Variants in SLC22A24 observed in about 807,000 individuals in gnomAD.
SLC22A24 encodes the protein solute carrier family 22 member 24, also known as steroid transmembrane transporter SLC22A24.
SLC22A24 carries 53 observed loss-of-function variants against 49.8 expected under a neutral mutation model. The ratio of observed to expected loss-of-function variants is 1.06; its 90% confidence interval spans 0.85 to 1.34. SLC22A24 has a LOEUF of 1.34. Among genes scored for constraint, SLC22A24 ranks in the 40% most tolerant of loss-of-function variants. The pLI is 0.00. For missense variants in SLC22A24, 786 were observed against 675.9 expected (o/e 1.16, Z -1.81); for synonymous variants, 302 against 256.4 (o/e 1.18, Z -1.70).
chr11:63,140,088 G>T (rs9665839), intron 1 of SLC22A24, among the ~76,000 whole-genome samples: 2,256 of 134,436 alleles, frequency 0.017, 27 homozygotes, highest in Admixed American at 0.023. Context: ...TTTTTTTTTT[G>T]TTTTTTTTTT....
At position 63,125,002 on chromosome 11, in the gene SLC22A24, T is replaced by G. The variant is rs560375985; in HGVS notation, c.507-5667A>C. 6.6e-3 allele frequency among the ~76,000 whole-genome samples: 1,000 copies of G among 151,940 alleles called. 9 individuals are homozygous for G. Among genetic ancestry groups the G allele is most frequent in the African/African-American group, 0.023 (937 of 41,410 alleles). ...TAGCATTAGGAGATATACCTAATGCTAAATGACGAGTTAATGGGTGCAGCA... is the reference window on the plus strand; with the variant it reads ...TAGCATTAGGAGATATACCTAATGCGAAATGACGAGTTAATGGGTGCAGCA... On this transcript the variant is annotated intron_variant, in intron 2 of 9. Transcript: ENST00000612278.
intron 6 of SLC22A24, among the ~76,000 whole-genome samples, chr11:63,089,819 C>T (rs1483196297): frequency 2.6e-5 from 4 of 152,056 alleles, no homozygotes; most frequent in Admixed American, 6.6e-5. Context: ...CGGTGGCTCA[C>T]GTCTGTAATC....
intron 6 of SLC22A24, among the ~76,000 whole-genome samples, chr11:63,087,075 G>GAT: frequency 6.6e-6 from 1 of 151,044 alleles, no homozygotes; most frequent in East Asian, 1.9e-4. Context: ...GAGAGAGAGA[G>GAT]AGAGAGAGAA....
chr11:63,099,093 A>G (rs1333642942), intron 5 of SLC22A24, among the ~76,000 whole-genome samples: 1 of 152,204 alleles, frequency 6.6e-6, no homozygotes, highest in Non-Finnish European at 1.5e-5. Flanking sequence ...CAGACCAATA[A>G]GAAGTAATGA....
chr11:63,140,010 A>C (rs1047062181), intron 1 of SLC22A24, among the ~76,000 whole-genome samples: 1 of 151,920 alleles, frequency 6.6e-6, no homozygotes. Context: ...TAGAAACTTT[A>C]ATGACTTTTT....
At chr11:63,091,409 G>A (rs2087019811) in intron 6 of SLC22A24, among the ~76,000 whole-genome samples, 2 of 152,248 alleles carry the variant, frequency 1.3e-5, no homozygotes, top group South Asian at 4.2e-4. Flanking sequence ...ATTTTATGAG[G>A]CCAGCATCTT....
At chr11:63,096,480 A>G (rs1454682097) in intron 5 of SLC22A24, among the ~76,000 whole-genome samples, 1 of 152,156 alleles carries the variant, frequency 6.6e-6, no homozygotes, top group Non-Finnish European at 1.5e-5. Context: ...TTATGAGAGA[A>G]GGTGTTTATT....
intron 1 of SLC22A24, among the ~76,000 whole-genome samples, chr11:63,142,218 A>G (rs1001980908): frequency 2.0e-5 from 3 of 152,266 alleles, no homozygotes; most frequent in African/African-American, 7.2e-5. Flanking sequence ...CACTCTTCTC[A>G]CCTTGGGGTT....
At chr11:63,080,793 T>C (rs927661754) in intron 9 of SLC22A24, 127 bp downstream of exon 9, 1 of 757,684 alleles carries the variant, frequency 1.3e-6, no homozygotes, top group African/African-American at 1.8e-5. Context: ...TGGTGACAAA[T>C]AGAAAAGTCC....
rs2087052763 is a variant in SLC22A24 at position 63,096,058 on chromosome 11, T to C, written c.1003A>G (p.Thr335Ala). 1 of 1,550,820 alleles carries C rather than the reference T, an allele frequency of 6.4e-7. No homozygotes were observed. Among genetic ancestry groups the C allele is most frequent in the Non-Finnish European group, 8.7e-7 (1 of 1,146,450 alleles). The part of the protein sequence containing the change: ...KKELDAVRIK[T>A]SIFSLFRAPK... ...GCACGGAACAGGGAAAAAATGGATGTTTTAATTCGGACTGCATCCAACTCC... is the reference window on the plus strand; with the variant it reads ...GCACGGAACAGGGAAAAAATGGATGCTTTAATTCGGACTGCATCCAACTCC... Residue 335 changes from threonine to alanine, a missense_variant, in exon 6 of 10, where the codon ACA (threonine) becomes GCA (alanine). By Grantham distance (58) the Thr-to-Ala change is moderately conservative. Transcript: ENST00000612278.
At chr11:63,120,325 G>GA (rs1183636427) in intron 2 of SLC22A24, among the ~76,000 whole-genome samples, 1 of 102,384 alleles carries the variant, frequency 9.8e-6, no homozygotes, top group Admixed American at 1.2e-4. Context: ...AGGGGGGAGG[G>GA]ATAGCATTGG....
At chr11:63,129,573 G>A (rs887600652) in intron 2 of SLC22A24, among the ~76,000 whole-genome samples, 4 of 152,152 alleles carry the variant, frequency 2.6e-5, no homozygotes, top group African/African-American at 9.7e-5. Context: ...TGGACAGTAG[G>A]ACCATTTTCA....
chr11:63,115,908 C>A (rs1042812701), intron 4 of SLC22A24: 1 of 297,774 alleles, frequency 3.4e-6, no homozygotes, highest in Non-Finnish European at 6.4e-6. Flanking sequence ...GGCTTGGGCA[C>A]CTTTGGGAGC....
intron 4 of SLC22A24, among the ~76,000 whole-genome samples, chr11:63,105,066 TCAAATATTAAAGCTC>T (rs1339857903): frequency 6.6e-6 from 1 of 152,200 alleles, no homozygotes; most frequent in African/African-American, 2.4e-5. Context: ...AGCAGGGCAG[TCAAATATTAAAGCTC>T]CAAATGATGT....
intron 6 of SLC22A24, among the ~76,000 whole-genome samples, chr11:63,095,175 C>G (rs1490031512): frequency 6.6e-6 from 1 of 152,028 alleles, no homozygotes; most frequent in Non-Finnish European, 1.5e-5. Flanking sequence ...GTAAGGGATC[C>G]AGTTTCAGCT....
At chr11:63,133,591 G>T (rs1399118786) in intron 2 of SLC22A24, among the ~76,000 whole-genome samples, 1 of 152,018 alleles carries the variant, frequency 6.6e-6, no homozygotes, top group East Asian at 1.9e-4. Flanking sequence ...CAGGACAAAG[G>T]AATCCCCAAA....
In SLC22A24 at chr11:63,106,088, C is replaced by A. The variant is rs866542799; in HGVS notation, c.831-1790G>T. Among the ~76,000 whole-genome samples, 48 of 135,204 alleles carry A rather than the reference C, an allele frequency of 3.6e-4. No individual in the cohort carries two copies. The South Asian group carries it at 0.012, about 34-fold the overall frequency. 88.7% of individuals were successfully genotyped at this position (135,204 alleles called of 152,430 possible). A position where few individuals can be genotyped will look rare whatever the true frequency, so the allele number is the denominator to read the frequency against. On this transcript the variant is annotated intron_variant, in intron 4 of 9. Coordinates refer to ENST00000612278, the MANE Select transcript of SLC22A24 (RefSeq NM_001136506.2). ...TAAAGCTATCCCTCCCCCCTCCCCC[C>A]ACCCCACAACAGTCCCCGGTGTGTG...
intron 2 of SLC22A24, among the ~76,000 whole-genome samples, chr11:63,127,130 C>A (rs1485486869): frequency 6.6e-6 from 1 of 152,106 alleles, no homozygotes; most frequent in Non-Finnish European, 1.5e-5. Context: ...ACTGCCCCAG[C>A]CCCCCACTCC....
At chr11:63,140,500 C>G (rs1335757814) in intron 1 of SLC22A24, among the ~76,000 whole-genome samples, 1 of 152,092 alleles carries the variant, frequency 6.6e-6, no homozygotes, top group African/African-American at 2.4e-5. Context: ...GTTTCCTTGA[C>G]CTTTGAAAAT....
Sources: gnomAD v4.1 joint callset for allele counts (sites outside exome capture counted in the v4.1 genomes callset) on GRCh38, gnomAD v4.1.1 for gene constraint, MANE v1.5 for transcripts, NCBI Gene and HGNC (gene_info 2026-07-23, HGNC 2026-07-21) for gene names.